Variants in SGCZ observed in about 807,000 individuals in gnomAD.
SGCZ encodes the protein sarcoglycan zeta, also known as zeta-sarcoglycan.
In SGCZ, 40 loss-of-function variants were observed where a neutral mutation model predicts 41.3. The ratio of observed to expected loss-of-function variants is 0.97; its 90% confidence interval spans 0.75 to 1.26. SGCZ has a LOEUF of 1.26. SGCZ is among the 50% of genes most tolerant of loss of function. SGCZ has a pLI of 0.00. For synonymous variants in SGCZ, 206 were observed against 137.5 expected, an observed-to-expected ratio of 1.50 and a Z score of -3.49; for missense variants, 552 against 369.8, an observed-to-expected ratio of 1.49 and a Z score of -4.04.
At chr8:14,358,949 T>C (rs2117124775) in intron 2 of SGCZ, among the ~76,000 whole-genome samples, 1 of 152,272 alleles carries the variant, frequency 6.6e-6, no homozygotes, top group Middle Eastern at 3.4e-3. Context: ...ATGGTTATTT[T>C]TATATAGTAA....
intron 1 of SGCZ, among the ~76,000 whole-genome samples, chr8:14,570,911 G>T (rs1322580227): frequency 6.6e-6 from 1 of 152,042 alleles, no homozygotes; most frequent in Non-Finnish European, 1.5e-5. Context: ...AATTTAAAAT[G>T]GTTATGTATG....
At chr8:14,193,336 A>ATTT in intron 4 of SGCZ, among the ~76,000 whole-genome samples, 1 of 151,286 alleles carries the variant, frequency 6.6e-6, no homozygotes, top group Non-Finnish European at 1.5e-5. Flanking sequence ...GCAGCATGCT[A>ATTT]TTTTTTTTAC....
At chr8:14,876,420 G>A (rs141503475) in intron 1 of SGCZ, among the ~76,000 whole-genome samples, 7 of 152,154 alleles carry the variant, frequency 4.6e-5, no homozygotes, top group African/African-American at 7.2e-5. Flanking sequence ...AGTCAATTAC[G>A]TTACTTTCAT....
intron 2 of SGCZ, among the ~76,000 whole-genome samples, chr8:14,342,594 C>T (rs112527082): frequency 0.012 from 1,832 of 152,234 alleles, 36 homozygotes; most frequent in African/African-American, 0.04. Context: ...GGATTACAGG[C>T]GTGAGCCACC....
intron 1 of SGCZ, among the ~76,000 whole-genome samples, chr8:14,714,208 C>A (rs539008185): frequency 3.0e-4 from 46 of 152,072 alleles, no homozygotes; most frequent in Non-Finnish European, 5.1e-4. Context: ...ACCTCCTGAT[C>A]TGCCCGTCTC....
intron 3 of SGCZ, among the ~76,000 whole-genome samples, chr8:14,289,372 T>G (rs1410386446): frequency 2.6e-5 from 4 of 152,300 alleles, no homozygotes; most frequent in Non-Finnish European, 2.9e-5. Flanking sequence ...TTAATACCCC[T>G]ATATTTTCTT....
At position 14,823,194 on chromosome 8, in the gene SGCZ, CA is replaced by C. The variant is rs369726055; in HGVS notation, c.40-268269del. ...GGCAAGAAATTTTTAAATAAGACTT[CA>C]AAAGCACAGGTAACAAAAGCAAAAA... On this transcript the variant is annotated intron_variant, in intron 1 of 7. Transcript: ENST00000382080. Among the ~76,000 whole-genome samples, 398 of 151,470 alleles carry C rather than the reference CA, an allele frequency of 2.6e-3. 2 individuals are homozygous for C. Among genetic ancestry groups the C allele is most frequent in the African/African-American group, 8.9e-3 (368 of 41,296 alleles).
intron 2 of SGCZ, among the ~76,000 whole-genome samples, chr8:14,365,620 A>G (rs527855879): frequency 2.0e-5 from 3 of 152,226 alleles, no homozygotes; most frequent in African/African-American, 7.2e-5. Flanking sequence ...GGTTAATGTT[A>G]AGTCTTCTTA....
At chr8:15,226,373 A>C (rs1441352743) in intron 1 of SGCZ, among the ~76,000 whole-genome samples, 1 of 152,210 alleles carries the variant, frequency 6.6e-6, no homozygotes, top group Admixed American at 6.5e-5. Flanking sequence ...GCTCCGCAAG[A>C]GTGTAACTCA....
At chr8:14,665,769 T>C (rs1807891098) in intron 1 of SGCZ, among the ~76,000 whole-genome samples, 1 of 152,214 alleles carries the variant, frequency 6.6e-6, no homozygotes, top group African/African-American at 2.4e-5. Context: ...ATTCTTCTAA[T>C]GTCTGTGTAG....
intron 1 of SGCZ, among the ~76,000 whole-genome samples, chr8:14,995,459 G>A (rs1046574604): frequency 3.3e-5 from 5 of 152,156 alleles, no homozygotes; most frequent in South Asian, 2.1e-4. Flanking sequence ...TCAGATATTT[G>A]AAAGGACAGT....
chr8:15,213,357 G>T (rs968673510), intron 1 of SGCZ, among the ~76,000 whole-genome samples: 2 of 151,310 alleles, frequency 1.3e-5, no homozygotes, highest in Admixed American at 6.6e-5. Context: ...TTCCCTTTGG[G>T]TAATTATATA....
intron 2 of SGCZ, among the ~76,000 whole-genome samples, chr8:14,333,257 A>C (rs1247390227): frequency 6.6e-6 from 1 of 152,142 alleles, no homozygotes; most frequent in Non-Finnish European, 1.5e-5. Context: ...CGAAAAGCCA[A>C]GGGTGCTATC....
intron 2 of SGCZ, among the ~76,000 whole-genome samples, chr8:14,445,233 C>T (rs1486297473): frequency 6.6e-6 from 1 of 152,218 alleles, no homozygotes; most frequent in Admixed American, 6.5e-5. Flanking sequence ...CCAAAGTAGC[C>T]TGAAACTCGC....
chr8:15,000,410 T>A (rs1802374374), intron 1 of SGCZ, among the ~76,000 whole-genome samples: 1 of 152,170 alleles, frequency 6.6e-6, no homozygotes, highest in African/African-American at 2.4e-5. Context: ...AGGCAGATAG[T>A]AAGGGTTATG....
At chr8:14,304,365 A>T (rs1801285452) in intron 3 of SGCZ, among the ~76,000 whole-genome samples, 2 of 152,128 alleles carry the variant, frequency 1.3e-5, no homozygotes, top group Admixed American at 1.3e-4. Context: ...ATGCTGAGGC[A>T]GAAGGATTGC....
chr8:14,684,940 C>T (rs1336163952), intron 1 of SGCZ, among the ~76,000 whole-genome samples: 1 of 152,008 alleles, frequency 6.6e-6, no homozygotes, highest in East Asian at 1.9e-4. Context: ...AGTGGCATTT[C>T]CTATGTAATT....
chr8:14,375,459 T>G (rs1398616700), intron 2 of SGCZ, among the ~76,000 whole-genome samples: 1 of 152,208 alleles, frequency 6.6e-6, no homozygotes, highest in African/African-American at 2.4e-5. Flanking sequence ...TATTTATCTA[T>G]TTAGATCTTT....
At chr8:14,163,439 G>A (rs1804108327) in intron 5 of SGCZ, among the ~76,000 whole-genome samples, 1 of 151,984 alleles carries the variant, frequency 6.6e-6, no homozygotes, top group Non-Finnish European at 1.5e-5. Flanking sequence ...TTCTATTCCT[G>A]CATTAGTTTA....
Sources: gnomAD v4.1 joint callset for allele counts (sites outside exome capture counted in the v4.1 genomes callset) on GRCh38, gnomAD v4.1.1 for gene constraint, MANE v1.5 for transcripts, NCBI Gene and HGNC (gene_info 2026-07-23, HGNC 2026-07-21) for gene names.